The following FRMD3 variants were observed in gnomAD, a reference collection of about 807,000 sequenced individuals.
The protein encoded by FRMD3 is FERM domain containing 3.
A neutral mutation model predicts 70.2 loss-of-function variants in FRMD3; 33 were observed. The ratio of observed to expected loss-of-function variants is 0.47; its 90% CI spans 0.36 to 0.63. The LOEUF is 0.63. FRMD3 is among the 20% of genes least tolerant of loss of function. The pLI is 0.00. For missense variants in FRMD3, 632 were observed against 711.4 expected, an observed-to-expected ratio of 0.89 and a Z score of 1.27; for synonymous variants, 279 against 255.9, an observed-to-expected ratio of 1.09 and a Z score of -0.86.
At chr9:83,484,589 T>C (rs942371195) in intron 1 of FRMD3, among the ~76,000 whole-genome samples, 18 of 152,146 alleles carry the variant, frequency 1.2e-4, no homozygotes, top group African/African-American at 3.1e-4. Flanking sequence ...GGCTAAATTT[T>C]TTATTTTTAG....
chr9:83,276,811 G>A (rs1428214627), intron 13 of FRMD3, among the ~76,000 whole-genome samples: 2 of 152,218 alleles, frequency 1.3e-5, no homozygotes, highest in Non-Finnish European at 2.9e-5. Context: ...CCAGGTTCAA[G>A]CGATTCTCAT....
At chr9:83,435,578 C>T (rs547042360) in intron 1 of FRMD3, among the ~76,000 whole-genome samples, 2 of 151,872 alleles carry the variant, frequency 1.3e-5, no homozygotes, top group Admixed American at 6.6e-5. Context: ...TGTCTTTTAG[C>T]CAGTTACTTC....
downstream of FRMD3, chr9:83,244,585 A>AACTTT (rs1831999497): frequency 1.3e-6 from 1 of 763,660 alleles, no homozygotes; most frequent in Non-Finnish European, 1.6e-6. Flanking sequence ...CTGACTATAC[A>AACTTT]ACTTTACTTT....
intron 3 of FRMD3, chr9:83,350,808 CCAATGGGGATT>C: frequency 9.9e-6 from 8 of 808,764 alleles, no homozygotes; most frequent in Non-Finnish European, 1.2e-5. Flanking sequence ...ACTCACCCAA[CCAATGGGGATT>C]CTACAGGACT....
At chr9:83,424,635 T>A (rs532753894) in intron 1 of FRMD3, among the ~76,000 whole-genome samples, 1 of 152,270 alleles carries the variant, frequency 6.6e-6, no homozygotes, top group South Asian at 2.1e-4. Context: ...GAAAATTGCA[T>A]CACAATAGAA....
At chr9:83,317,188 A>G (rs1485578467) in intron 6 of FRMD3, among the ~76,000 whole-genome samples, 2 of 125,094 alleles carry the variant, frequency 1.6e-5, no homozygotes, top group Non-Finnish European at 3.4e-5. Context: ...GCCGTCTCTC[A>G]TGCATACACA....
At chr9:83,262,261 C>A (rs142436873) in intron 13 of FRMD3, among the ~76,000 whole-genome samples, 1 of 152,312 alleles carries the variant, frequency 6.6e-6, no homozygotes, top group Admixed American at 6.5e-5. Context: ...TCTTTACCTC[C>A]AATAACACAC....
chr9:83,562,430 C>T, the FRMD3 span, among the ~76,000 whole-genome samples: 1 of 152,190 alleles, frequency 6.6e-6, no homozygotes, highest in African/African-American at 2.4e-5. Flanking sequence ...AACATGCAGT[C>T]AGCAAGCTTA....
At chr9:83,417,961 T>C (rs1204945583) in intron 1 of FRMD3, among the ~76,000 whole-genome samples, 2 of 152,132 alleles carry the variant, frequency 1.3e-5, no homozygotes, top group Non-Finnish European at 2.9e-5. Context: ...CTAGAGAAGT[T>C]ACATTAATAA....
At chr9:83,285,446 G>A (rs1834167526) in intron 13 of FRMD3, among the ~76,000 whole-genome samples, 1 of 151,952 alleles carries the variant, frequency 6.6e-6, no homozygotes. Context: ...AAATTCTGGT[G>A]TCTCCATTGT....
rs192024043 is a variant in FRMD3 at position 83,339,965 on chromosome 9, C to T, written c.472+3225G>A. Among the ~76,000 whole-genome samples, 323 of 152,166 alleles carry T rather than the reference C, an allele frequency of 2.1e-3. 7 individuals carry two copies. The South Asian group carries it at 0.054, about 26-fold the overall frequency. On this transcript the variant is annotated intron_variant, in intron 5 of 13. Transcript: ENST00000304195. ...CATTTAACGAAATGTTAAATTTAAA[C>T]GTTAAATGGTTGTGACTAATTTAAT...
chr9:83,536,929 C>CAAAAAAAAAAAAAAAAAA (rs1829904095), intron 1 of FRMD3, among the ~76,000 whole-genome samples: 1 of 46,268 alleles, frequency 2.2e-5, no homozygotes, highest in Admixed American at 2.3e-4. Flanking sequence ...CTGTATTACA[C>CAAAAAAAAAAAAAAAAAA]TAAAAAAAAA....
At chr9:83,244,417 A>G (rs534434644), downstream of FRMD3, among the ~76,000 whole-genome samples, 1 of 152,074 alleles carries the variant, frequency 6.6e-6, no homozygotes, top group South Asian at 2.1e-4. Flanking sequence ...ATGTTTGAGC[A>G]TATTTTCAGT....
the FRMD3 span, among the ~76,000 whole-genome samples, chr9:83,561,818 GTC>G: frequency 1.3e-5 from 2 of 152,156 alleles, no homozygotes; most frequent in Non-Finnish European, 2.9e-5. Flanking sequence ...CAAGAACAGA[GTC>G]TGCCACAAGG....
chr9:83,361,367 T>C (rs1824578592), intron 3 of FRMD3, among the ~76,000 whole-genome samples: 1 of 152,252 alleles, frequency 6.6e-6, no homozygotes, highest in Non-Finnish European at 1.5e-5. Flanking sequence ...GAAGAAATTT[T>C]CCAAACCCAG....
the FRMD3 span, among the ~76,000 whole-genome samples, chr9:83,575,224 G>A: frequency 7.9e-5 from 12 of 152,320 alleles, no homozygotes; most frequent in Middle Eastern, 3.4e-3. Flanking sequence ...AGAAGGCTGC[G>A]AGAGAGTGAA....
intron 1 of FRMD3, among the ~76,000 whole-genome samples, chr9:83,409,247 A>G (rs376012543): frequency 9.6e-4 from 146 of 152,330 alleles, no homozygotes; most frequent in Non-Finnish European, 1.5e-3. Flanking sequence ...AGCCAGGCGC[A>G]TTGAACTGAA....
chr9:83,300,453 C>T (rs927110992), intron 10 of FRMD3, among the ~76,000 whole-genome samples: 1 of 152,132 alleles, frequency 6.6e-6, no homozygotes, highest in Non-Finnish European at 1.5e-5. Context: ...GAATGGAAAA[C>T]CAAAAATTCT....
intron 3 of FRMD3, among the ~76,000 whole-genome samples, chr9:83,361,650 G>A (rs944657736): frequency 6.6e-6 from 1 of 152,160 alleles, no homozygotes; most frequent in Admixed American, 6.5e-5. Context: ...ACCTCAGAAT[G>A]GAACCCTATT....
Sources: gnomAD v4.1 joint callset for allele counts (sites outside exome capture counted in the v4.1 genomes callset) on GRCh38, gnomAD v4.1.1 for gene constraint, MANE v1.5 for transcripts, NCBI Gene and HGNC (gene_info 2026-07-23, HGNC 2026-07-21) for gene names.